LRPPRC: variants seen among roughly 807,000 people sequenced by gnomAD.
LRPPRC encodes the protein leucine-rich PPR motif-containing protein, mitochondrial.
Under a neutral mutation model 180.3 loss-of-function variants are expected in LRPPRC, and 120 were observed. The observed-to-expected ratio is 0.67, with a 90% CI of 0.57 to 0.77. LRPPRC has a LOEUF of 0.77. Among genes scored for constraint, LRPPRC ranks in the 30% least tolerant of loss-of-function variants. The pLI is 0.00. For missense variants in LRPPRC, 2,012 were observed against 1,657.2 expected, an observed-to-expected ratio of 1.21 and a Z score of -3.72; for synonymous variants, 723 against 600.0, an observed-to-expected ratio of 1.21 and a Z score of -3.00.
rs113055483 is a variant in LRPPRC, at chr2:43,976,709, TAAA to T, written c.650+282_650+284del. ...AAGAACATTTCCCTTAGGAAATATT[TAAA>T]AAAAAAAAAAAAAAAGCAAAGTCAG... is the stretch of plus-strand genomic sequence containing the variant. On this transcript the variant is annotated intron_variant, in intron 5 of 37. Coordinates refer to ENST00000260665, the MANE Select transcript of LRPPRC (RefSeq NM_133259.4). 1.5e-5 allele frequency among the ~76,000 whole-genome samples: 2 copies of T among 134,876 alleles called. 1 individual carries two copies. Among genetic ancestry groups the T allele is most frequent in the African/African-American group, 5.6e-5 (2 of 35,910 alleles). 88.5% of individuals were successfully genotyped at this position (134,876 alleles called of 152,430 possible). A position where few individuals can be genotyped will look rare whatever the true frequency, so the allele number is the denominator to read the frequency against.
intron 26 of LRPPRC, 109 bp downstream of exon 26, chr2:43,925,784 T>C: frequency 1.3e-6 from 1 of 785,824 alleles, no homozygotes; most frequent in Non-Finnish European, 2.3e-6. Context: ...TAAACACTGC[T>C]TCCACAATGC....
At chr2:43,964,632 A>C (rs143628014) in intron 11 of LRPPRC, among the ~76,000 whole-genome samples, 1 of 152,324 alleles carries the variant, frequency 6.6e-6, no homozygotes, top group East Asian at 1.9e-4. Context: ...GTACAGAAAA[A>C]CACAAGCAAG....
In LRPPRC at chr2:43,918,408, T is replaced by C. The variant is rs767349585; in HGVS notation, c.2897-10A>G. 3 of 1,594,330 alleles carry C rather than the reference T, an allele frequency of 1.9e-6. No individual in the cohort carries two copies. Among genetic ancestry groups the C allele is most frequent in the East Asian group, 2.2e-5 (1 of 44,728 alleles). ...CAGTCACCGTTTATTTCTGTAGAAT[T>C]TGATTAAGCAGAAATTAATCAATAA... On this transcript the variant is annotated splice_polypyrimidine_tract_variant and intron_variant, in intron 27 of 37. Coordinates refer to ENST00000260665, the MANE Select transcript of LRPPRC (RefSeq NM_133259.4).
In LRPPRC at chr2:43,918,120, T is replaced by A; in HGVS notation, c.3053A>T (p.Asp1018Val). The A allele has an allele frequency of 6.2e-7, 1 of 1,613,672 alleles. No homozygotes were observed. The highest frequency in any genetic ancestry group is 8.5e-7 in the Non-Finnish European group (1 of 1,179,618). Residue 1018 changes from aspartate (D) to valine (V), a missense_variant, in exon 29 of 38, where the codon GAT becomes GTT. Transcript: ENST00000260665. The part of the protein sequence containing the change: ...PFDVPELWYE[D>V]EKHSLNSSSA... ...CGAAGAATTCAGGGAATGTTTTTCA[T>A]CTTCATACCACAACTTTAAAACAAA...
intron 11 of LRPPRC, among the ~76,000 whole-genome samples, chr2:43,964,563 T>A (rs1028836882): frequency 6.6e-6 from 1 of 152,200 alleles, no homozygotes; most frequent in African/African-American, 2.4e-5. Flanking sequence ...ATTACATTTC[T>A]TTCGAATTTG....
intron 27 of LRPPRC, among the ~76,000 whole-genome samples, chr2:43,921,654 A>G (rs943457803): frequency 2.0e-5 from 3 of 152,214 alleles, no homozygotes; most frequent in African/African-American, 7.2e-5. Flanking sequence ...GTCTGAGATA[A>G]GCGGTTAGGG....
chr2:43,923,640 G>C (rs553530689), intron 27 of LRPPRC, among the ~76,000 whole-genome samples: 1 of 151,782 alleles, frequency 6.6e-6, no homozygotes, highest in Non-Finnish European at 1.5e-5. Context: ...CCTTTCAGCA[G>C]AGCACTACCT....
intron 1 of LRPPRC, 86 bp from the exon 2 acceptor site, chr2:43,982,520 A>G: frequency 2.0e-6 from 2 of 1,015,488 alleles, no homozygotes; most frequent in East Asian, 5.1e-5. Context: ...TTTTAAAATT[A>G]GTTATTAAAC....
intron 25 of LRPPRC, among the ~76,000 whole-genome samples, chr2:43,930,506 G>C (rs887258049): frequency 6.6e-6 from 1 of 152,072 alleles, no homozygotes; most frequent in Admixed American, 6.5e-5. Flanking sequence ...TCCCAAATTC[G>C]AAAATCCAAA....
chr2:43,978,889 T>C (rs556668809), intron 3 of LRPPRC, among the ~76,000 whole-genome samples: 16 of 152,248 alleles, frequency 1.1e-4, no homozygotes, highest in African/African-American at 3.8e-4. Flanking sequence ...AAACATTTAG[T>C]GAGTCCAGCT....
At chr2:43,987,045 G>A (rs1257039817) in intron 1 of LRPPRC, among the ~76,000 whole-genome samples, 1 of 152,178 alleles carries the variant, frequency 6.6e-6, no homozygotes, top group East Asian at 1.9e-4. Context: ...CTGTTGATAC[G>A]CTGGATCACG....
At chr2:43,918,823 C>A (rs115447758) in intron 27 of LRPPRC, among the ~76,000 whole-genome samples, 9,643 of 139,468 alleles carry the variant, frequency 0.069, 383 homozygotes, top group South Asian at 0.12. Flanking sequence ...ATATATATAT[C>A]TATATATAGA....
chr2:43,932,961 T>C (rs1033218271), intron 25 of LRPPRC, among the ~76,000 whole-genome samples: 1 of 152,184 alleles, frequency 6.6e-6, no homozygotes, highest in Non-Finnish European at 1.5e-5. Context: ...AGTGACCTGC[T>C]AATACTGACA....
intron 21 of LRPPRC, among the ~76,000 whole-genome samples, chr2:43,945,854 T>G (rs1190776100): frequency 6.6e-6 from 1 of 152,100 alleles, no homozygotes; most frequent in African/African-American, 2.4e-5. Context: ...ACCACTGTTG[T>G]GATGATATAT....
Position 43,896,633 on chromosome 2 carries a change from C to G in LRPPRC, c.3900+1G>C, listed in dbSNP as rs863225443. ...ATTTGTAAGCAGGTAAAGCACAGTA[C>G]CTTTCCTTGTTTCCTAGAATTCCTA... On this transcript the variant is annotated splice_donor_variant, in intron 35 of 37. Coordinates refer to ENST00000260665, the MANE Select transcript of LRPPRC (RefSeq NM_133259.4). LOFTEE classifies it high-confidence loss of function. 3 of 1,600,482 alleles carry G rather than the reference C, an allele frequency of 1.9e-6. No individual in the cohort carries two copies. Among genetic ancestry groups the G allele is most frequent in the Non-Finnish European group, 2.6e-6 (3 of 1,167,970 alleles).
At chr2:43,979,129 A>C (rs185436933) in intron 3 of LRPPRC, among the ~76,000 whole-genome samples, 35 of 151,562 alleles carry the variant, frequency 2.3e-4, no homozygotes, top group Non-Finnish European at 3.5e-4. Flanking sequence ...TTATTTTTTG[A>C]ATACGTACTA....
chr2:43,990,109 C>G (rs1190662877), intron 1 of LRPPRC, among the ~76,000 whole-genome samples: 1 of 151,988 alleles, frequency 6.6e-6, no homozygotes, highest in Non-Finnish European at 1.5e-5. Context: ...GTCCCAGCTA[C>G]TTGGGAGGCT....
chr2:43,916,790 C>T (rs1231372131), intron 29 of LRPPRC, among the ~76,000 whole-genome samples: 1 of 151,466 alleles, frequency 6.6e-6, no homozygotes, highest in Non-Finnish European at 1.5e-5. Context: ...CTTGTCACTA[C>T]AAAAATTGGC....
Position 43,895,277 on chromosome 2 carries a change from C to G in LRPPRC, c.3901-648G>C, listed in dbSNP as rs140047520. ...CCAAGAGGAGCAAAATCTGGCTTAA[C>G]TATTCTACTGTCAAGCAATGGAACA... On this transcript the variant is annotated intron_variant, in intron 35 of 37. Transcript: ENST00000260665. Among the ~76,000 whole-genome samples, 62 of 152,306 alleles carry G rather than the reference C, an allele frequency of 4.1e-4. 1 individual carries two copies. The East Asian group carries it at 0.011, about 27-fold the overall frequency.
Sources: allele counts gnomAD v4.1 joint callset (sites outside exome capture counted in the v4.1 genomes callset), GRCh38; gene constraint gnomAD v4.1.1; transcripts MANE v1.5; gene names NCBI Gene and HGNC (gene_info 2026-07-23, HGNC 2026-07-21).